Variants in TINAG observed in about 807,000 individuals in gnomAD.
TINAG encodes the protein tubulointerstitial nephritis antigen.
A neutral mutation model predicts 72.7 loss-of-function variants in TINAG; 83 were observed. The observed-to-expected ratio is 1.14, with a 90% CI of 0.96 to 1.37. TINAG has a LOEUF of 1.37. TINAG is among the 40% of genes most tolerant of loss of function. The pLI is 0.00. For missense variants in TINAG, 685 were observed against 576.6 expected (o/e 1.19, Z -1.93); for synonymous variants, 234 against 189.9 (o/e 1.23, Z -1.91).
intron 3 of TINAG, among the ~76,000 whole-genome samples, chr6:54,324,472 AATT>A (rs1256857297): frequency 2.6e-5 from 4 of 152,158 alleles, no homozygotes; most frequent in Non-Finnish European, 2.9e-5. Context: ...TCATGATATC[AATT>A]CTACCACTTT....
intron 4 of TINAG, among the ~76,000 whole-genome samples, chr6:54,340,001 C>T (rs1401144250): frequency 6.6e-6 from 1 of 152,104 alleles, no homozygotes; most frequent in Non-Finnish European, 1.5e-5. Flanking sequence ...GAAAATTGAT[C>T]AATTTATCTC....
chr6:54,353,535 A>ACATAAAT (rs1240720480), intron 8 of TINAG, among the ~76,000 whole-genome samples: 1 of 151,902 alleles, frequency 6.6e-6, no homozygotes, highest in Non-Finnish European at 1.5e-5. Context: ...AAGTACAGTT[A>ACATAAAT]CATAAATTCT....
intron 9 of TINAG, among the ~76,000 whole-genome samples, chr6:54,374,316 T>G (rs759980592): frequency 1.4e-4 from 22 of 152,092 alleles, no homozygotes; most frequent in South Asian, 1.0e-3. Context: ...AATTTGTAGC[T>G]TCCTGGCAGA....
At chr6:54,363,919 A>C (rs1763321971) in intron 9 of TINAG, among the ~76,000 whole-genome samples, 2 of 151,620 alleles carry the variant, frequency 1.3e-5, no homozygotes, top group Admixed American at 1.3e-4. Flanking sequence ...AGAGGGGACC[A>C]AGTGGTAACT....
rs540498729 is a variant in TINAG at position 54,355,405 on chromosome 6, C to T, written c.1250+769C>T. On this transcript the variant is annotated intron_variant, in intron 9 of 10. Transcript: ENST00000259782. ...TAATGACTTAATTTTATTGAGCCTA[C>T]GCAAAACAACCTCACCTACAATCAA... Among the ~76,000 whole-genome samples, 25 of 151,894 alleles carry T rather than the reference C, an allele frequency of 1.6e-4. No individual in the cohort carries two copies. In the South Asian group the frequency reaches 4.1e-3, roughly 25 times the overall value.
chr6:54,374,194 T>C (rs1284417835), intron 9 of TINAG, among the ~76,000 whole-genome samples: 2 of 152,124 alleles, frequency 1.3e-5, no homozygotes, highest in Non-Finnish European at 2.9e-5. Flanking sequence ...AGGCATTGTA[T>C]AAAGCTGTTT....
chr6:54,323,877 C>T (rs1582701702), intron 3 of TINAG, among the ~76,000 whole-genome samples: 1 of 152,114 alleles, frequency 6.6e-6, no homozygotes, highest in Non-Finnish European at 1.5e-5. Flanking sequence ...TTGCTTGAAC[C>T]CAGGAGGTGA....
At chr6:54,364,981 T>C (rs886115576) in intron 9 of TINAG, among the ~76,000 whole-genome samples, 1 of 151,566 alleles carries the variant, frequency 6.6e-6, no homozygotes, top group Admixed American at 6.6e-5. Context: ...GGGCCACCAT[T>C]TGTTTTTCTC....
chr6:54,323,986 T>C (rs1000299733), intron 3 of TINAG, among the ~76,000 whole-genome samples: 4 of 152,124 alleles, frequency 2.6e-5, no homozygotes, highest in African/African-American at 2.4e-5. Flanking sequence ...ATTTTTATGT[T>C]AAGGGAATTT....
chr6:54,328,546 A>C (rs915758980), intron 4 of TINAG, among the ~76,000 whole-genome samples: 5 of 152,238 alleles, frequency 3.3e-5, no homozygotes, highest in Admixed American at 1.3e-4. Context: ...AAATTCCAAA[A>C]ACCAGAATGC....
intron 9 of TINAG, among the ~76,000 whole-genome samples, chr6:54,356,515 ACT>A (rs890550001): frequency 2.0e-5 from 3 of 151,798 alleles, no homozygotes; most frequent in African/African-American, 7.3e-5. Context: ...ACAGAGTGAG[ACT>A]CTGTCTCAAA....
Position 54,382,482 on chromosome 6 carries a change from A to C in TINAG, c.1296+1911A>C, listed in dbSNP as rs149581652. Among the ~76,000 whole-genome samples, 1,372 of 152,214 alleles carry C rather than the reference A, an allele frequency of 9.0e-3. 30 individuals are homozygous for C. Among genetic ancestry groups the C allele is most frequent in the East Asian group, 0.049 (253 of 5,180 alleles). The stretch of plus-strand genomic sequence containing the variant: ...AATTAAAATAATTTTATTTTTTATA[A>C]AACATACTAGTGGTTTAATTAAAAT... On this transcript the variant is annotated intron_variant, in intron 10 of 10. Coordinates refer to ENST00000259782, the MANE Select transcript of TINAG (RefSeq NM_014464.4).
intron 9 of TINAG, among the ~76,000 whole-genome samples, chr6:54,378,123 G>A (rs1327010921): frequency 6.6e-6 from 1 of 152,154 alleles, no homozygotes; most frequent in East Asian, 1.9e-4. Context: ...TTGACACAGA[G>A]GCTGTAACAT....
Position 54,308,848 on chromosome 6 carries a change from T to C in TINAG, c.298T>C (p.Ser100Pro). The C allele has an allele frequency of 1.2e-6, 2 of 1,613,710 alleles. No homozygotes were observed. The highest frequency in any genetic ancestry group is 1.7e-6 in the Non-Finnish European group (2 of 1,179,838). Reference sequence around the variant, plus strand: ...TTCTGATTGCTGTCCTGACTACAAGTCCTTTTGCCGTGAAGAGAAAGAATG... The same window carrying C: ...TTCTGATTGCTGTCCTGACTACAAGCCCTTTTGCCGTGAAGAGAAAGAATG... ...ENSDCCPDYKSFCREEKEWPP... is the reference protein window; with the variant it reads ...ENSDCCPDYKPFCREEKEWPP... The change falls in exon 1 of 11, where the codon TCC becomes CCC. Residue 100 changes from serine to proline, a missense_variant. Ser to Pro is a moderately conservative substitution (Grantham distance 74, BLOSUM62 -1). Coordinates refer to ENST00000259782, the MANE Select transcript of TINAG (RefSeq NM_014464.4).
chr6:54,366,341 A>G (rs1763417390), intron 9 of TINAG, among the ~76,000 whole-genome samples: 1 of 151,470 alleles, frequency 6.6e-6, no homozygotes, highest in Non-Finnish European at 1.5e-5. Flanking sequence ...TTTCTCAAAC[A>G]ATTGCTCTGT....
intron 1 of TINAG, among the ~76,000 whole-genome samples, chr6:54,310,695 T>C (rs531918626): frequency 7.8e-6 from 1 of 127,488 alleles, no homozygotes; most frequent in South Asian, 2.4e-4. Context: ...TTTCTTCTTT[T>C]TTCTCTCTCT....
At chr6:54,325,506 G>A (rs79899876) in intron 3 of TINAG, among the ~76,000 whole-genome samples, 1,791 of 152,104 alleles carry the variant, frequency 0.012, 40 homozygotes, top group African/African-American at 0.041. Flanking sequence ...ACACACACAC[G>A]TGCACAAGCA....
At chr6:54,315,539 A>C (rs1370583271) in intron 1 of TINAG, among the ~76,000 whole-genome samples, 2 of 151,996 alleles carry the variant, frequency 1.3e-5, no homozygotes, top group Non-Finnish European at 2.9e-5. Context: ...TTAGCCAGTC[A>C]TGGTGGCATA....
chr6:54,325,176 C>T (rs1239423524), intron 3 of TINAG, among the ~76,000 whole-genome samples: 4 of 152,186 alleles, frequency 2.6e-5, no homozygotes, highest in Non-Finnish European at 5.9e-5. Flanking sequence ...AAAAATTTGC[C>T]AACTCCTTCA....
Sources: allele counts gnomAD v4.1 joint callset (sites outside exome capture counted in the v4.1 genomes callset), GRCh38; gene constraint gnomAD v4.1.1; transcripts MANE v1.5; gene names NCBI Gene and HGNC (gene_info 2026-07-23, HGNC 2026-07-21).